ZZZ3: variants seen among roughly 807,000 people sequenced by gnomAD.
The protein encoded by ZZZ3 is ZZ-type zinc finger-containing protein 3.
A neutral mutation model predicts 95.2 loss-of-function variants in ZZZ3; 22 were observed. The ratio of observed to expected loss-of-function variants is 0.23; its 90% CI spans 0.17 to 0.33. The LOEUF is 0.33. Ranked by LOEUF, ZZZ3 falls within the 10% of genes least tolerant of loss-of-function variation. The probability of loss-of-function intolerance (pLI) is 1.00; values close to 1 mark genes in which losing one functional copy is unlikely to be tolerated. For missense variants in ZZZ3, 885 were observed against 1,066.5 expected, an observed-to-expected ratio of 0.83 and a Z score of 2.37; for synonymous variants, 335 against 358.9, an observed-to-expected ratio of 0.93 and a Z score of 0.75.
At chr1:77,631,725 T>C (rs1339732798) in intron 5 of ZZZ3, 125 bp downstream of exon 5, 4 of 761,854 alleles carry the variant, frequency 5.3e-6, no homozygotes, top group Non-Finnish European at 8.0e-6. Context: ...GAGAAAATCA[T>C]ATTAAACCTA....
At chr1:77,651,166 T>A (rs906807353) in intron 1 of ZZZ3, among the ~76,000 whole-genome samples, 2 of 152,062 alleles carry the variant, frequency 1.3e-5, no homozygotes, top group Non-Finnish European at 2.9e-5. Flanking sequence ...GGAGAATAGC[T>A]TGGGCCCAGG....
chr1:77,643,055 A>G (rs1668928448), intron 1 of ZZZ3, among the ~76,000 whole-genome samples: 1 of 152,172 alleles, frequency 6.6e-6, no homozygotes, highest in Non-Finnish European at 1.5e-5. Flanking sequence ...GTACAAAAAA[A>G]TAGAAAAAGG....
intron 5 of ZZZ3, among the ~76,000 whole-genome samples, chr1:77,618,521 A>C (rs371842785): frequency 6.6e-6 from 1 of 152,316 alleles, no homozygotes; most frequent in East Asian, 1.9e-4. Flanking sequence ...TACTGTACAA[A>C]GACAAGCAGT....
chr1:77,589,031 C>G (rs1663390095), intron 5 of ZZZ3, among the ~76,000 whole-genome samples: 1 of 152,172 alleles, frequency 6.6e-6, no homozygotes, highest in Non-Finnish European at 1.5e-5. Context: ...TGTGTACCAC[C>G]ATGCCCAGCT....
chr1:77,616,152 C>G (rs1262452213), intron 5 of ZZZ3, among the ~76,000 whole-genome samples: 1 of 152,094 alleles, frequency 6.6e-6, no homozygotes, highest in Non-Finnish European at 1.5e-5. Context: ...CCCCCTCAAT[C>G]GTTGATTTTT....
At chr1:77,605,656 G>C (rs1445672825) in intron 5 of ZZZ3, among the ~76,000 whole-genome samples, 1 of 152,186 alleles carries the variant, frequency 6.6e-6, no homozygotes, top group African/African-American at 2.4e-5. Flanking sequence ...AGCCACAGTA[G>C]GATAGGGAAA....
intron 1 of ZZZ3, among the ~76,000 whole-genome samples, chr1:77,656,161 T>C (rs1557767791): frequency 6.6e-6 from 1 of 152,232 alleles, no homozygotes; most frequent in African/African-American, 2.4e-5. Context: ...CAACAATATA[T>C]TTTATAGCTG....
Position 77,582,141 on chromosome 1 carries a change from G to GA in ZZZ3, c.1645-16dup, listed in dbSNP as rs1231901656. ...CCAATATCAGCCTGGAGGCAGGGGA[G>GA]AAAAAACAAAATAAAGTAAAAGTCT... On this transcript the variant is annotated splice_polypyrimidine_tract_variant and intron_variant, in intron 6 of 14. Coordinates refer to ENST00000370801, the MANE Select transcript of ZZZ3 (RefSeq NM_015534.6). 6 of 1,567,578 alleles carry GA rather than the reference G, an allele frequency of 3.8e-6. No homozygotes were observed. The highest frequency in any genetic ancestry group is 5.2e-6 in the Non-Finnish European group (6 of 1,164,766).
chr1:77,673,920 A>G (rs908928503), intron 1 of ZZZ3, among the ~76,000 whole-genome samples: 2 of 152,118 alleles, frequency 1.3e-5, no homozygotes, highest in African/African-American at 4.8e-5. Context: ...CAAAGAATGA[A>G]AAGCAAGCTA....
At chr1:77,650,756 T>C (rs189009767) in intron 1 of ZZZ3, among the ~76,000 whole-genome samples, 308 of 146,886 alleles carry the variant, frequency 2.1e-3, no homozygotes, top group Non-Finnish European at 3.4e-3. Flanking sequence ...AAAAAAGCAA[T>C]AGAGAAAAAT....
chr1:77,598,586 T>C (rs1351176905), intron 5 of ZZZ3, among the ~76,000 whole-genome samples: 1 of 152,170 alleles, frequency 6.6e-6, no homozygotes, highest in Non-Finnish European at 1.5e-5. Context: ...AGTTGAAATA[T>C]CACAATTTAA....
intron 5 of ZZZ3, among the ~76,000 whole-genome samples, chr1:77,624,011 C>CA (rs1667116631): frequency 6.6e-6 from 1 of 151,986 alleles, no homozygotes; most frequent in South Asian, 2.1e-4. Flanking sequence ...TGAAACAACA[C>CA]AAAAAATAGC....
At chr1:77,615,454 T>C (rs1271968304) in intron 5 of ZZZ3, among the ~76,000 whole-genome samples, 1 of 152,168 alleles carries the variant, frequency 6.6e-6, no homozygotes, top group African/African-American at 2.4e-5. Flanking sequence ...AAAAGATGGT[T>C]AAATTAACAG....
chr1:77,620,786 G>A (rs1311419447), intron 5 of ZZZ3, among the ~76,000 whole-genome samples: 1 of 152,146 alleles, frequency 6.6e-6, no homozygotes, highest in Non-Finnish European at 1.5e-5. Context: ...CTAAGCTGGT[G>A]ATAGGCATTT....
intron 1 of ZZZ3, among the ~76,000 whole-genome samples, chr1:77,673,325 G>A (rs1030115738): frequency 6.6e-6 from 1 of 152,114 alleles, no homozygotes; most frequent in Non-Finnish European, 1.5e-5. Context: ...GGCCAGGCAG[G>A]GTGGCTCACG....
intron 1 of ZZZ3, among the ~76,000 whole-genome samples, chr1:77,667,805 G>A (rs1015825833): frequency 3.1e-5 from 4 of 129,726 alleles, no homozygotes; most frequent in African/African-American, 1.2e-4. Flanking sequence ...TCGCTCTGTT[G>A]CCCAGACTGG....
Position 77,565,648 on chromosome 1 carries a change from T to C in ZZZ3, c.2704A>G (p.Asn902Asp), listed in dbSNP as rs1346203671. The change falls in exon 15 of 15, where the codon AAC (asparagine) becomes GAC (aspartate). Residue 902 changes from asparagine to aspartate, a missense_variant. This residue lies in a region of ZZZ3 where 221 missense variants were observed against 247.8 expected (regional missense o/e 0.89). Coordinates refer to ENST00000370801, the MANE Select transcript of ZZZ3 (RefSeq NM_015534.6). The part of the protein sequence containing the change: ...NYLDPNYFPA[N>D]R ...TGATGTTCTCTTCCATGTCATCTGT[T>C]TGCTGGAAAGTAGTTTGGGTCAAGG... 1.9e-6 allele frequency: 3 copies of C among 1,613,634 alleles called. No homozygotes were observed. Among genetic ancestry groups the C allele is most frequent in the Admixed American group, 3.3e-5 (2 of 59,972 alleles).
chr1:77,634,093 C>T (rs1286994209), intron 4 of ZZZ3, among the ~76,000 whole-genome samples: 1 of 151,972 alleles, frequency 6.6e-6, no homozygotes, highest in African/African-American at 2.4e-5. Context: ...TTACTTGAAC[C>T]CGGGAGGCAG....
chr1:77,600,667 C>T (rs1664641834), intron 5 of ZZZ3, among the ~76,000 whole-genome samples: 2 of 152,120 alleles, frequency 1.3e-5, no homozygotes, highest in South Asian at 2.1e-4. Flanking sequence ...CGGGGTTGTT[C>T]CAAACAGAAG....
Sources: allele counts gnomAD v4.1 joint callset (sites outside exome capture counted in the v4.1 genomes callset), GRCh38; gene constraint gnomAD v4.1.1; regional missense constraint gnomAD v4.1.1; transcripts MANE v1.5; gene names NCBI Gene and HGNC (gene_info 2026-07-23, HGNC 2026-07-21).